ZNF462: variants seen among roughly 807,000 people sequenced by gnomAD.
ZNF462 encodes the protein zinc finger PBX1-interacting protein.
ZNF462 carries 10 observed loss-of-function variants against 201.9 expected under a neutral mutation model. The observed-to-expected ratio is 0.05, with a 90% CI of 0.03 to 0.08. The LOEUF (loss-of-function observed/expected upper bound fraction) is 0.08. Among genes scored for constraint, ZNF462 ranks in the 10% least tolerant of loss-of-function variants. The pLI, the probability that ZNF462 is intolerant of heterozygous loss-of-function variation, is 1.00. For missense variants in ZNF462, 2,523 were observed against 3,168.3 expected (o/e 0.80, Z 4.89); for synonymous variants, 1,227 against 1,193.3 (o/e 1.03, Z -0.58).
rs775144868 is a variant in ZNF462, at chr9:106,929,288, G to A, written c.5376G>A (p.Gly1792=). Residue 1792 remains glycine, a synonymous_variant, in exon 3 of 13, where the codon GGG becomes GGA. Coordinates refer to ENST00000277225, the MANE Select transcript of ZNF462 (RefSeq NM_021224.6). The surrounding 1 kb of genome is among the most constrained non-coding windows in gnomAD (Gnocchi z 8.7). ...CCCATTACATGAAACGCCACCCAGGGGTGTTCCCAAAGAAGCAGCACGCCA... is the reference window on the plus strand; with the variant it reads ...CCCATTACATGAAACGCCACCCAGGAGTGTTCCCAAAGAAGCAGCACGCCA... ...IVSHYMKRHP[G]VFPKKQHASK... 2 of 1,614,136 alleles carry A rather than the reference G, an allele frequency of 1.2e-6. No homozygotes were observed. Among genetic ancestry groups the A allele is most frequent in the South Asian group, 1.1e-5 (1 of 91,080 alleles).
chr9:106,926,602 A>G lies in ZNF462; in HGVS notation c.2690A>G (p.Asn897Ser), dbSNP rs761675707. The change falls in exon 3 of 13, where the codon AAC becomes AGC. Residue 897 changes from asparagine (N) to serine (S), a missense_variant. Asn to Ser is a conservative substitution (Grantham distance 46). Around this residue, in one of 15 missense-constraint regions of ZNF462, gnomAD observed 280 missense variants for 321.3 expected, o/e 0.87. Coordinates refer to ENST00000277225, the MANE Select transcript of ZNF462 (RefSeq NM_021224.6). The surrounding 1 kb of genome is among the most constrained non-coding windows in gnomAD (Gnocchi z 7.9). ...CTGGAATGCTACATCGATTACACCA[A>G]CTTCGAAGATCTCCAGCAGCATTAT... ...RCLECYIDYT[N>S]FEDLQQHYGE... The G allele has an allele frequency of 1.6e-5, 26 of 1,613,956 alleles. No homozygotes were observed. Among genetic ancestry groups the G allele is most frequent in the Admixed American group, 1.5e-4 (9 of 59,994 alleles).
At chr9:107,004,589 CT>C (rs1378864262) in intron 11 of ZNF462, among the ~76,000 whole-genome samples, 3 of 151,876 alleles carry the variant, frequency 2.0e-5, no homozygotes, top group Non-Finnish European at 2.9e-5. Context: ...TTTAAATTTA[CT>C]TTTTTAAATT....
intron 10 of ZNF462, among the ~76,000 whole-genome samples, chr9:107,000,206 G>A (rs1055584165): frequency 6.6e-6 from 1 of 151,976 alleles, no homozygotes; most frequent in African/African-American, 2.4e-5. Flanking sequence ...TAAGTTCAGG[G>A]TGGTGGGAGC....
chr9:106,896,993 A>G (rs1218904106), intron 1 of ZNF462, among the ~76,000 whole-genome samples: 2 of 152,206 alleles, frequency 1.3e-5, no homozygotes, highest in Non-Finnish European at 2.9e-5. Context: ...GAACCTGGGG[A>G]TTTTTTGAGA....
At chr9:106,955,651 A>C (rs919456867) in intron 7 of ZNF462, among the ~76,000 whole-genome samples, 1 of 152,190 alleles carries the variant, frequency 6.6e-6, no homozygotes, top group South Asian at 2.1e-4. Context: ...TTTTACCCAC[A>C]GTAGAACTTC....
chr9:106,884,900 C>T (rs190259390), intron 1 of ZNF462, among the ~76,000 whole-genome samples: 26 of 152,248 alleles, frequency 1.7e-4, no homozygotes, highest in African/African-American at 5.8e-4. Flanking sequence ...AGGATCAACA[C>T]GGTCTAGGGT....
intron 5 of ZNF462, among the ~76,000 whole-genome samples, chr9:106,934,106 G>A (rs566885287): frequency 1.3e-5 from 2 of 151,946 alleles, no homozygotes; most frequent in East Asian, 3.9e-4. Flanking sequence ...CTGTACTAAG[G>A]GCCTTTAAAT....
chr9:106,994,608 C>T (rs968788070), intron 10 of ZNF462, among the ~76,000 whole-genome samples: 13 of 152,076 alleles, frequency 8.5e-5, no homozygotes, highest in Admixed American at 6.6e-5. Context: ...TATGCCATTT[C>T]GTTTCTGCTT....
intron 10 of ZNF462, among the ~76,000 whole-genome samples, chr9:107,000,417 G>C (rs1225858483): frequency 6.6e-6 from 1 of 152,102 alleles, no homozygotes; most frequent in Non-Finnish European, 1.5e-5. Flanking sequence ...CAACATGGGA[G>C]GGGAAGGGGC....
Position 106,930,614 on chromosome 9 carries a change from G to T in ZNF462, c.5937G>T (p.Thr1979=). Residue 1979 remains threonine (T), a synonymous_variant, in exon 4 of 13, where the codon ACG becomes ACT. Coordinates refer to ENST00000277225, the MANE Select transcript of ZNF462 (RefSeq NM_021224.6). The surrounding 1 kb of genome is among the most constrained non-coding windows in gnomAD (Gnocchi z 5.8). ...AATTCTGTGTGGAAGTGCACCCAAC[G>T]CTCCGAGCCATCTGCAATCACCTCC... ...KCKFCVEVHP[T]LRAICNHLRK... 3.1e-6 allele frequency: 5 copies of T among 1,614,128 alleles called. No individual in the cohort carries two copies. The highest frequency in any genetic ancestry group is 3.4e-6 in the Non-Finnish European group (4 of 1,180,028).
At chr9:106,955,223 GC>G (rs1831522235) in intron 7 of ZNF462, among the ~76,000 whole-genome samples, 1 of 152,118 alleles carries the variant, frequency 6.6e-6, no homozygotes, top group African/African-American at 2.4e-5. Flanking sequence ...TGGAGATGTT[GC>G]GGGTTTGGTT....
At chr9:106,875,232 T>C (rs956808116) in intron 1 of ZNF462, among the ~76,000 whole-genome samples, 1 of 152,208 alleles carries the variant, frequency 6.6e-6, no homozygotes, top group African/African-American at 2.4e-5. Flanking sequence ...TATTATTTTG[T>C]CTGTGACCAT....
chr9:106,873,818 G>A lies in ZNF462; in HGVS notation c.-31+10463G>A, dbSNP rs545211214. On this transcript the variant is annotated intron_variant, in intron 1 of 12. Coordinates refer to ENST00000277225, the MANE Select transcript of ZNF462 (RefSeq NM_021224.6). ...ATCCAGATATCCCTACGGTATCCGA[G>A]AGAGTAGCTTTTCTGCAAATGGTGG... is the stretch of plus-strand genomic sequence containing the variant. Among the ~76,000 whole-genome samples the A allele has an allele frequency of 2.0e-4, 30 of 152,292 alleles. No homozygotes were observed. The South Asian group carries it at 4.6e-3, about 23-fold the overall frequency.
In ZNF462 at chr9:106,930,204, G is replaced by A. The variant is rs944230370; in HGVS notation, c.5848-321G>A. Among the ~76,000 whole-genome samples the A allele has an allele frequency of 6.6e-6, 1 of 152,122 alleles. No individual in the cohort carries two copies. The highest frequency in any genetic ancestry group is 1.5e-5 in the Non-Finnish European group (1 of 68,022). On this transcript the variant is annotated intron_variant, in intron 3 of 12. Transcript: ENST00000277225. This position sits in a 1 kb window ranked among gnomAD's most constrained non-coding sequence, Gnocchi z 5.8. ...TTATTTTATCAAGAAGTTCATTAAT[G>A]GCGCAACTATGCAACGTTTCACCTG...
chr9:106,956,347 T>C (rs1028457303), intron 7 of ZNF462, among the ~76,000 whole-genome samples: 3 of 152,176 alleles, frequency 2.0e-5, no homozygotes, highest in Non-Finnish European at 4.4e-5. Flanking sequence ...GAATCTTTTT[T>C]ATCTGAGTTG....
chr9:106,953,513 G>C (rs866089866), intron 7 of ZNF462, among the ~76,000 whole-genome samples: 17 of 152,058 alleles, frequency 1.1e-4, no homozygotes, highest in African/African-American at 3.6e-4. Flanking sequence ...CTCTTCCCTT[G>C]GTTTTGGTCT....
At chr9:106,878,016 G>A (rs576556834) in intron 1 of ZNF462, among the ~76,000 whole-genome samples, 82 of 152,282 alleles carry the variant, frequency 5.4e-4, no homozygotes, top group African/African-American at 1.8e-3. Flanking sequence ...TTCCTTAAGA[G>A]ATGTATTTGG....
rs1441025196 is a variant in ZNF462 at position 106,870,450 on chromosome 9, A to T, written c.-31+7095A>T. ...ACATCTTACCCCCAACCTTATTCAA[A>T]GAGTAGACCCTGTTCTTTAGGGTGA... On this transcript the variant is annotated intron_variant, in intron 1 of 12. Coordinates refer to ENST00000277225, the MANE Select transcript of ZNF462 (RefSeq NM_021224.6). This position sits in a 1 kb window ranked among gnomAD's most constrained non-coding sequence, Gnocchi z 4.3. 6.6e-6 allele frequency among the ~76,000 whole-genome samples: 1 copy of T among 152,210 alleles called. No individual in the cohort carries two copies. The highest frequency in any genetic ancestry group is 1.5e-5 in the Non-Finnish European group (1 of 68,032).
chr9:106,926,811 C>G lies in ZNF462; in HGVS notation c.2899C>G (p.Gln967Glu). Residue 967 changes from glutamine (Q) to glutamate (E), a missense_variant, in exon 3 of 13, where the codon CAG (glutamine) becomes GAG (glutamate). Gln to Glu is a conservative substitution (Grantham distance 29). This residue lies in a region of ZNF462 where 280 missense variants were observed against 321.3 expected (regional missense o/e 0.87). Coordinates refer to ENST00000277225, the MANE Select transcript of ZNF462 (RefSeq NM_021224.6). The surrounding 1 kb of genome is among the most constrained non-coding windows in gnomAD (Gnocchi z 7.9). The part of the protein sequence containing the change: ...MIFSSYVVEQ[Q>E]EGLNTESQTL... Reference sequence around the variant, plus strand: ...ATTTTCAAGCTATGTCGTGGAGCAGCAGGAAGGGCTGAATACAGAATCCCA... The same window carrying G: ...ATTTTCAAGCTATGTCGTGGAGCAGGAGGAAGGGCTGAATACAGAATCCCA... 1 of 1,614,164 alleles carries G rather than the reference C, an allele frequency of 6.2e-7. No individual in the cohort carries two copies. Among genetic ancestry groups the G allele is most frequent in the Non-Finnish European group, 8.5e-7 (1 of 1,180,028 alleles).
Sources: gnomAD v4.1 joint callset for allele counts (sites outside exome capture counted in the v4.1 genomes callset) on GRCh38, gnomAD v4.1.1 for gene constraint, gnomAD v4.1.1 regional missense constraint, Gnocchi (gnomAD v3.1) non-coding constraint, MANE v1.5 for transcripts, NCBI Gene and HGNC (gene_info 2026-07-23, HGNC 2026-07-21) for gene names.